The following PIAS1 variants were observed in gnomAD, a reference collection of about 807,000 sequenced individuals.
The protein encoded by PIAS1 is E3 SUMO-protein ligase PIAS1.
A neutral mutation model predicts 71.3 loss-of-function variants in PIAS1; 6 were observed. That is an observed-to-expected ratio of 0.08 (90% CI 0.05 to 0.17). The LOEUF is 0.17. Ranked by LOEUF, PIAS1 falls within the 10% of genes least tolerant of loss-of-function variation. PIAS1 has a pLI of 1.00. For synonymous variants in PIAS1, 303 were observed against 292.9 expected, an observed-to-expected ratio of 1.03 and a Z score of -0.35; for missense variants, 555 against 793.6, an observed-to-expected ratio of 0.70 and a Z score of 3.61.
chr15:68,109,849 A>C (rs1355744103), intron 2 of PIAS1, among the ~76,000 whole-genome samples: 1 of 152,202 alleles, frequency 6.6e-6, no homozygotes, highest in Non-Finnish European at 1.5e-5. Flanking sequence ...ATAAGCACAC[A>C]AGAAATGTCT....
At chr15:68,162,055 C>T (rs1400597016) in intron 7 of PIAS1, among the ~76,000 whole-genome samples, 1 of 151,974 alleles carries the variant, frequency 6.6e-6, no homozygotes. Flanking sequence ...TATTTTGAAA[C>T]TTTTTATGCA....
intron 2 of PIAS1, among the ~76,000 whole-genome samples, chr15:68,140,160 A>G (rs1359461650): frequency 1.3e-5 from 2 of 152,176 alleles, no homozygotes; most frequent in Non-Finnish European, 2.9e-5. Flanking sequence ...TATTTGTGAC[A>G]TAAGAAATAG....
intron 11 of PIAS1, among the ~76,000 whole-genome samples, chr15:68,180,980 T>G (rs1336467645): frequency 6.6e-6 from 1 of 152,198 alleles, no homozygotes; most frequent in Non-Finnish European, 1.5e-5. Context: ...TTGTGAATGT[T>G]GGATACCATT....
At chr15:68,159,289 C>T (rs1005110784) in intron 7 of PIAS1, among the ~76,000 whole-genome samples, 1 of 152,174 alleles carries the variant, frequency 6.6e-6, no homozygotes. Context: ...ATTTTTTCTT[C>T]ATACTTTCTT....
chr15:68,193,345 ATG>A lies in PIAS1; in HGVS notation c.*5514_*5515del, dbSNP rs1491309304. On this transcript the variant is annotated 3_prime_UTR_variant, in exon 14 of 14. Coordinates refer to ENST00000249636, the MANE Select transcript of PIAS1 (RefSeq NM_016166.3). ...TCAGCTGATGCTGCCTCATTGTAGC[ATG>A]TGTTTTCACTCTAGTGTTTTCACTC... 2.6e-5 allele frequency: 4 copies of A among 152,274 alleles called. No individual in the cohort carries two copies. The highest frequency in any genetic ancestry group is 7.2e-5 in the African/African-American group (3 of 41,444). The allele number at this position is 152,274 out of a possible 1,614,324, so 9.4% of individuals were successfully genotyped here.
intron 2 of PIAS1, among the ~76,000 whole-genome samples, chr15:68,139,763 T>C (rs2092757809): frequency 6.6e-6 from 1 of 152,206 alleles, no homozygotes; most frequent in Non-Finnish European, 1.5e-5. Context: ...TATAAAACTT[T>C]GTTTTGCAGA....
intron 12 of PIAS1, among the ~76,000 whole-genome samples, chr15:68,182,344 T>C (rs987809932): frequency 2.6e-5 from 4 of 151,456 alleles, no homozygotes; most frequent in Non-Finnish European, 4.4e-5. Flanking sequence ...ATATGCTCAT[T>C]GTAGAAAATT....
At chr15:68,127,682 A>G (rs1239149792) in intron 2 of PIAS1, among the ~76,000 whole-genome samples, 2 of 152,206 alleles carry the variant, frequency 1.3e-5, no homozygotes, top group African/African-American at 4.8e-5. Context: ...ATTTTAGGAT[A>G]GAGTAAAAGA....
rs2093003987 is a variant in PIAS1, at chr15:68,173,502, T to C, written c.1009-230T>C. ...GCTGTGGATTTTAGTAAATAACCCT[T>C]GTTGTAGACTTTCCATAGTCATTTT... On this transcript the variant is annotated intron_variant, in intron 8 of 13. Transcript: ENST00000249636. The surrounding 1 kb of genome is among the most constrained non-coding windows in gnomAD (Gnocchi z 4.3). 6.6e-6 allele frequency among the ~76,000 whole-genome samples: 1 copy of C among 152,256 alleles called. No individual in the cohort carries two copies.
At chr15:68,072,419 A>AG (rs1306162476) in intron 1 of PIAS1, among the ~76,000 whole-genome samples, 2 of 150,222 alleles carry the variant, frequency 1.3e-5, no homozygotes, top group Non-Finnish European at 3.0e-5. Context: ...AAAAAAAAAA[A>AG]AAAAAAAAAG....
In PIAS1 at chr15:68,055,763, A is replaced by G. The variant is rs1027406007; in HGVS notation, c.24+1413A>G. On this transcript the variant is annotated intron_variant, in intron 1 of 13. Coordinates refer to ENST00000249636, the MANE Select transcript of PIAS1 (RefSeq NM_016166.3). ...TTTTATAATAAATAAAAATTATTTA[A>G]TTTTTTCCCCGTTATAATGAAACGA... 9.2e-6 allele frequency: 5 copies of G among 541,546 alleles called. No homozygotes were observed. The Admixed American group carries it at 9.5e-5, about 10-fold the overall frequency. The allele number at this position is 541,546 out of a possible 1,614,324, so 33.5% of individuals were successfully genotyped here.
At chr15:68,100,260 C>A (rs1247037501) in intron 2 of PIAS1, among the ~76,000 whole-genome samples, 1 of 152,138 alleles carries the variant, frequency 6.6e-6, no homozygotes, top group East Asian at 1.9e-4. Context: ...AACATTGGTA[C>A]AATACACAGA....
chr15:68,088,657 T>TAAAC (rs1316284076), intron 2 of PIAS1, among the ~76,000 whole-genome samples: 1 of 152,174 alleles, frequency 6.6e-6, no homozygotes, highest in Non-Finnish European at 1.5e-5. Context: ...ATTGGCTCAA[T>TAAAC]AAATATTTGT....
At chr15:68,088,176 G>GTGTATATATATATA (rs150997979) in intron 2 of PIAS1, among the ~76,000 whole-genome samples, 815 of 72,938 alleles carry the variant, frequency 0.011, 20 homozygotes, top group Middle Eastern at 0.031. Context: ...TTATGTGTGT[G>GTGTATATATATATA]TATATATATA....
chr15:68,153,582 T>C lies in PIAS1; in HGVS notation c.829-8T>C. The C allele has an allele frequency of 7.5e-7, 1 of 1,335,376 alleles. No homozygotes were observed. 82.7% of individuals were successfully genotyped at this position (1,335,376 alleles called of 1,614,324 possible). A position where few individuals can be genotyped will look rare whatever the true frequency, so the allele number is the denominator to read the frequency against. On this transcript the variant is annotated splice_polypyrimidine_tract_variant and splice_region_variant and intron_variant, in intron 6 of 13. Transcript: ENST00000249636. ...TGTTGTTTGTTTTCTACTTCTTTTT[T>C]TTTCCAGAACTATTCCATGGCAGTA...
intron 7 of PIAS1, among the ~76,000 whole-genome samples, chr15:68,161,257 G>T (rs968804458): frequency 3.3e-5 from 5 of 152,188 alleles, no homozygotes; most frequent in Admixed American, 2.0e-4. Context: ...TGCAAGATTT[G>T]TATGCCGAAA....
At chr15:68,160,466 G>C (rs967280618) in intron 7 of PIAS1, among the ~76,000 whole-genome samples, 4 of 152,106 alleles carry the variant, frequency 2.6e-5, no homozygotes, top group African/African-American at 9.7e-5. Context: ...CCATTGACCT[G>C]TATGTCTATC....
intron 2 of PIAS1, among the ~76,000 whole-genome samples, chr15:68,114,388 CAT>C (rs2141013066): frequency 6.6e-6 from 1 of 152,052 alleles, no homozygotes; most frequent in Admixed American, 6.6e-5. Context: ...TTGGAGAAAA[CAT>C]ATTTTCTGCA....
At chr15:68,122,978 TGTAAG>T (rs989498809) in intron 2 of PIAS1, among the ~76,000 whole-genome samples, 1 of 151,682 alleles carries the variant, frequency 6.6e-6, no homozygotes, top group Non-Finnish European at 1.5e-5. Flanking sequence ...AAACATTTCT[TGTAAG>T]GTAAAAGCTG....
Sources: gnomAD v4.1 joint callset for allele counts (sites outside exome capture counted in the v4.1 genomes callset) on GRCh38, gnomAD v4.1.1 for gene constraint, Gnocchi (gnomAD v3.1) non-coding constraint, MANE v1.5 for transcripts, NCBI Gene and HGNC (gene_info 2026-07-23, HGNC 2026-07-21) for gene names.